TGM4: variants seen among roughly 807,000 people sequenced by gnomAD.
TGM4 encodes protein-glutamine gamma-glutamyltransferase 4.
TGM4 carries 61 observed loss-of-function variants against 76.3 expected under a neutral mutation model. That is an observed-to-expected ratio of 0.80 (90% CI 0.65 to 0.99). The LOEUF (loss-of-function observed/expected upper bound fraction) is 0.99. Ranked by LOEUF, TGM4 falls within the 50% of genes least tolerant of loss-of-function variation. The probability of loss-of-function intolerance (pLI) is 0.00; values close to 1 mark genes in which losing one functional copy is unlikely to be tolerated. For synonymous variants in TGM4, 337 were observed against 329.8 expected, an observed-to-expected ratio of 1.02 and a Z score of -0.24; for missense variants, 794 against 843.2, an observed-to-expected ratio of 0.94 and a Z score of 0.72.
At chr3:44,911,468 C>T in intron 13 of TGM4, 62 bp downstream of exon 13, 1 of 1,576,672 alleles carries the variant, frequency 6.3e-7, no homozygotes, top group South Asian at 1.1e-5. Flanking sequence ...CACATGTGTG[C>T]ATATTCCTGA....
intron 1 of TGM4, among the ~76,000 whole-genome samples, chr3:44,883,289 T>C (rs1353495492): frequency 4.6e-5 from 7 of 152,070 alleles, no homozygotes; most frequent in Non-Finnish European, 8.8e-5. Context: ...TACTAAGAGG[T>C]GGGGCCTTTA....
rs748832317 is a variant in TGM4 at position 44,885,452 on chromosome 3, C to T, written c.147C>T (p.Asn49=). 6.2e-7 allele frequency: 1 copy of T among 1,612,966 alleles called. No homozygotes were observed. The highest frequency in any genetic ancestry group is 1.3e-5 in the African/African-American group (1 of 74,882). The change falls in exon 2 of 14, where the codon AAC becomes AAT. Residue 49 remains asparagine, a synonymous_variant. Coordinates refer to ENST00000296125, the MANE Select transcript of TGM4 (RefSeq NM_003241.4). ...TGTTTCACCTGCGGCTGGTGCTGAA[C>T]CAGCCCCTACAATCCTACCACCAAC... ...GQVFHLRLVL[N]QPLQSYHQLK... is the part of the protein sequence containing the mutation.
At chr3:44,903,284 A>C (rs1376880063) in intron 8 of TGM4, among the ~76,000 whole-genome samples, 2 of 151,734 alleles carry the variant, frequency 1.3e-5, no homozygotes, top group Non-Finnish European at 2.9e-5. Context: ...GTGGATACCG[A>C]GGAATGACTG....
In TGM4 at chr3:44,893,673, G is replaced by A. The variant is rs1699735227; in HGVS notation, c.527G>A (p.Cys176Tyr). 5 of 1,613,748 alleles carry A rather than the reference G, an allele frequency of 3.1e-6. No individual in the cohort carries two copies. Among genetic ancestry groups the A allele is most frequent in the Non-Finnish European group, 4.2e-6 (5 of 1,179,858 alleles). ...GTGGGGGCTGCCAGAAGTATCAAAT[G>A]CAAACCCTGGAACTTTGGTCAGGTA... ...HYVGAARSIK[C>Y]KPWNFGQFEK... is the part of the protein sequence containing the mutation. The change falls in exon 5 of 14, where the codon TGC becomes TAC. Residue 176 changes from cysteine (C) to tyrosine (Y), a missense_variant. Transcript: ENST00000296125.
At chr3:44,875,052 A>T (rs1699432846) in intron 1 of TGM4, among the ~76,000 whole-genome samples, 1 of 152,252 alleles carries the variant, frequency 6.6e-6, no homozygotes, top group Admixed American at 6.5e-5. Context: ...CTTGAGAGTA[A>T]GTTGCAGATA....
At chr3:44,908,947 TCTGGAAATCAGATC>T (rs1443246076) in intron 10 of TGM4, among the ~76,000 whole-genome samples, 3 of 152,220 alleles carry the variant, frequency 2.0e-5, no homozygotes, top group Non-Finnish European at 4.4e-5. Flanking sequence ...ATATGGCAAC[TCTGGAAATCAGATC>T]CTGTCCCCCA....
At chr3:44,911,992 G>A (rs766556984) in intron 13 of TGM4, among the ~76,000 whole-genome samples, 10 of 152,016 alleles carry the variant, frequency 6.6e-5, no homozygotes, top group African/African-American at 2.4e-4. Context: ...CACCACACCC[G>A]GCTAATTTTT....
At chr3:44,875,519 T>C (rs1699439754) in intron 1 of TGM4, among the ~76,000 whole-genome samples, 1 of 152,116 alleles carries the variant, frequency 6.6e-6, no homozygotes, top group East Asian at 1.9e-4. Flanking sequence ...CCCATGAGGA[T>C]GCAGCCGCCT....
intron 1 of TGM4, among the ~76,000 whole-genome samples, chr3:44,881,203 TA>T (rs56209528): frequency 1.3e-3 from 192 of 145,448 alleles, no homozygotes; most frequent in Middle Eastern, 3.6e-3. Flanking sequence ...GGCCCTGTAT[TA>T]AAAAAAAAAA....
intron 6 of TGM4, among the ~76,000 whole-genome samples, chr3:44,900,300 T>A (rs1222374328): frequency 6.6e-6 from 1 of 152,204 alleles, no homozygotes; most frequent in Non-Finnish European, 1.5e-5. Context: ...ATTTCCTGCT[T>A]TGCCTAGGAC....
At chr3:44,885,764 C>T (rs1699597840) in intron 2 of TGM4, among the ~76,000 whole-genome samples, 1 of 152,160 alleles carries the variant, frequency 6.6e-6, no homozygotes, top group Non-Finnish European at 1.5e-5. Flanking sequence ...ACTCAGCGGG[C>T]ATCTGCCGTG....
Position 44,906,980 on chromosome 3 carries a change from C to G in TGM4, c.1107C>G (p.Thr369=). Residue 369 remains threonine, a synonymous_variant, in exon 10 of 14, where the codon ACC becomes ACG. Transcript: ENST00000296125. The stretch of plus-strand genomic sequence containing the variant: ...TCTGCTGTGGGCCATCACCACTGAC[C>G]GCCATCCGCAAAGGTGACATCTTTA... ...GVFCCGPSPL[T]AIRKGDIFIV... is the part of the protein sequence containing the mutation. 1 of 1,614,044 alleles carries G rather than the reference C, an allele frequency of 6.2e-7. No homozygotes were observed. The highest frequency in any genetic ancestry group is 8.5e-7 in the Non-Finnish European group (1 of 1,180,014).
intron 1 of TGM4, among the ~76,000 whole-genome samples, chr3:44,882,513 GAA>G (rs1411662688): frequency 6.6e-6 from 1 of 152,256 alleles, no homozygotes; most frequent in Admixed American, 6.5e-5. Flanking sequence ...TGCTCTTGCA[GAA>G]GCCTCCAGTG....
At chr3:44,899,998 C>T (rs1394066850) in intron 6 of TGM4, among the ~76,000 whole-genome samples, 2 of 152,074 alleles carry the variant, frequency 1.3e-5, no homozygotes, top group Non-Finnish European at 2.9e-5. Flanking sequence ...GTCACTGGGT[C>T]TAGGAGAGGG....
In TGM4 at chr3:44,902,331, A is replaced by G. The variant is rs558424602; in HGVS notation, c.971+400A>G. 6.6e-5 allele frequency among the ~76,000 whole-genome samples: 10 copies of G among 152,312 alleles called. No individual in the cohort carries two copies. The South Asian group carries it at 2.1e-3, about 32-fold the overall frequency. Reference sequence around the variant, plus strand: ...AAAAAATGCAGATTCTTGGCCAGGCATGGTGGCACATGCCTGTAATCCCAG... The same window carrying G: ...AAAAAATGCAGATTCTTGGCCAGGCGTGGTGGCACATGCCTGTAATCCCAG... On this transcript the variant is annotated intron_variant, in intron 8 of 13. Transcript: ENST00000296125.
intron 7 of TGM4, 27 bp downstream of exon 7, chr3:44,901,725 G>C (rs1699856355): frequency 6.2e-7 from 1 of 1,612,714 alleles, no homozygotes; most frequent in Non-Finnish European, 8.5e-7. Flanking sequence ...GGGGCTGAGG[G>C]GAGAGGTCCC....
At chr3:44,884,014 G>T (rs185848983) in intron 1 of TGM4, among the ~76,000 whole-genome samples, 4 of 152,240 alleles carry the variant, frequency 2.6e-5, no homozygotes, top group African/African-American at 9.6e-5. Flanking sequence ...CTCCATATGT[G>T]CCTCCCTGGG....
In TGM4 at chr3:44,890,683, T is replaced by C. The variant is rs1559612661; in HGVS notation, c.381T>C (p.Leu127=). The change falls in exon 4 of 14, where the codon CTT becomes CTC. Residue 127 remains leucine (L), a synonymous_variant. Transcript: ENST00000296125. Reference sequence around the variant, plus strand: ...ACGTGAAAACTGGAAACCACATCCTTAAGTCTGAAGAAAACATCCTATACC... The same window carrying C: ...ACGTGAAAACTGGAAACCACATCCTCAAGTCTGAAGAAAACATCCTATACC... ...QLNVKTGNHI[L]KSEENILYLL... The C allele has an allele frequency of 1.9e-6, 3 of 1,614,206 alleles. No individual in the cohort carries two copies. Among genetic ancestry groups the C allele is most frequent in the South Asian group, 1.1e-5 (1 of 91,088 alleles).
At chr3:44,913,357 G>A (rs1198520357) in intron 13 of TGM4, among the ~76,000 whole-genome samples, 1 of 152,244 alleles carries the variant, frequency 6.6e-6, no homozygotes, top group Non-Finnish European at 1.5e-5. Flanking sequence ...GTCAGAGTTG[G>A]AAGAGCTTCT....
Sources: gnomAD v4.1 joint callset for allele counts (sites outside exome capture counted in the v4.1 genomes callset) on GRCh38, gnomAD v4.1.1 for gene constraint, MANE v1.5 for transcripts, NCBI Gene and HGNC (gene_info 2026-07-23, HGNC 2026-07-21) for gene names.